ATG5: variants seen among roughly 807,000 people sequenced by gnomAD.
ATG5 encodes the protein autophagy protein 5.
ATG5 carries 14 observed loss-of-function variants against 36.5 expected under a neutral mutation model. That is an observed-to-expected ratio of 0.38 (90% CI 0.25 to 0.60). The LOEUF (loss-of-function observed/expected upper bound fraction) is 0.60. Among genes scored for constraint, ATG5 ranks in the 20% least tolerant of loss-of-function variants. ATG5 has a pLI of 0.60. For synonymous variants in ATG5, 95 were observed against 101.5 expected (o/e 0.94, Z 0.38); for missense variants, 195 against 326.7 (o/e 0.60, Z 3.11).
chr6:106,211,477 G>A (rs1414318615), intron 6 of ATG5, among the ~76,000 whole-genome samples: 3 of 152,230 alleles, frequency 2.0e-5, no homozygotes, highest in African/African-American at 7.2e-5. Context: ...TTGGGAGGCT[G>A]AGGCGGGTGG....
chr6:106,215,556 T>C (rs1292362896), intron 6 of ATG5, among the ~76,000 whole-genome samples: 5 of 152,098 alleles, frequency 3.3e-5, no homozygotes, highest in Non-Finnish European at 7.4e-5. Context: ...TTTTACAGAT[T>C]TCACCACTTA....
intron 6 of ATG5, among the ~76,000 whole-genome samples, chr6:106,244,524 A>G (rs1778256530): frequency 6.6e-6 from 1 of 152,162 alleles, no homozygotes; most frequent in Admixed American, 6.5e-5. Context: ...CCTATCTGTC[A>G]AATCTCTGGG....
chr6:106,195,235 T>C (rs1342758324), intron 7 of ATG5, among the ~76,000 whole-genome samples: 2 of 152,188 alleles, frequency 1.3e-5, no homozygotes, highest in Non-Finnish European at 2.9e-5. Context: ...ACTGAATCAC[T>C]TGTAGGGAGT....
intron 6 of ATG5, among the ~76,000 whole-genome samples, chr6:106,213,398 A>G (rs987502235): frequency 1.3e-5 from 2 of 152,228 alleles, no homozygotes; most frequent in African/African-American, 4.8e-5. Flanking sequence ...GTTGGAAGCT[A>G]TATCAGTAGG....
chr6:106,209,875 C>T (rs146076990), intron 6 of ATG5, among the ~76,000 whole-genome samples: 35 of 152,286 alleles, frequency 2.3e-4, no homozygotes, highest in African/African-American at 8.2e-4. Context: ...TTCAAAACAA[C>T]TAGTCTAGAG....
chr6:106,234,662 T>C (rs948720113), intron 6 of ATG5, among the ~76,000 whole-genome samples: 4 of 152,168 alleles, frequency 2.6e-5, no homozygotes, highest in African/African-American at 9.7e-5. Flanking sequence ...CCCATGACCA[T>C]TTACACTGAA....
chr6:106,192,885 C>T (rs924783160), intron 7 of ATG5, among the ~76,000 whole-genome samples: 1 of 152,224 alleles, frequency 6.6e-6, no homozygotes, highest in African/African-American at 2.4e-5. Context: ...AAAACACCAA[C>T]TAATTGAATC....
intron 6 of ATG5, among the ~76,000 whole-genome samples, chr6:106,211,991 A>AT (rs1776869756): frequency 6.6e-6 from 1 of 152,188 alleles, no homozygotes; most frequent in African/African-American, 2.4e-5. Context: ...GTATCACAGG[A>AT]TTTCACTTGT....
intron 6 of ATG5, among the ~76,000 whole-genome samples, chr6:106,214,936 T>TA (rs1776983196): frequency 6.6e-6 from 1 of 152,158 alleles, no homozygotes; most frequent in Admixed American, 6.5e-5. Context: ...GTAAATTCTC[T>TA]AAAATTTTCT....
intron 4 of ATG5, among the ~76,000 whole-genome samples, chr6:106,286,055 ACC>A (rs1272221985): frequency 3.3e-5 from 5 of 151,238 alleles, no homozygotes; most frequent in African/African-American, 1.2e-4. Flanking sequence ...TCCACTCTTA[ACC>A]CTACAACATC....
chr6:106,250,027 G>A (rs527360720), intron 5 of ATG5, among the ~76,000 whole-genome samples: 24 of 151,736 alleles, frequency 1.6e-4, no homozygotes, highest in Non-Finnish European at 2.7e-4. Context: ...ATTTTCTCCC[G>A]TTCTGTACAT....
chr6:106,311,806 T>A (rs78754905), intron 2 of ATG5, among the ~76,000 whole-genome samples: 2 of 152,094 alleles, frequency 1.3e-5, no homozygotes, highest in African/African-American at 4.8e-5. Context: ...AGGAAACTGG[T>A]TACTACTGTG....
At chr6:106,213,164 T>C (rs1445725209) in intron 6 of ATG5, among the ~76,000 whole-genome samples, 1 of 152,202 alleles carries the variant, frequency 6.6e-6, no homozygotes, top group Non-Finnish European at 1.5e-5. Context: ...GAAATCTTCA[T>C]TCATTACATA....
intron 7 of ATG5, among the ~76,000 whole-genome samples, chr6:106,200,762 G>A (rs1252632505): frequency 2.0e-5 from 3 of 152,170 alleles, no homozygotes. Context: ...TTACGCGTGA[G>A]CCACCACACC....
In ATG5 at chr6:106,310,691, C is replaced by T. The variant is rs192260660; in HGVS notation, c.109-2200G>A. 3.3e-3 allele frequency among the ~76,000 whole-genome samples: 505 copies of T among 152,226 alleles called. 2 individuals carry two copies. The highest frequency in any genetic ancestry group is 7.1e-3 in the South Asian group (34 of 4,822). Reference sequence around the variant, plus strand: ...CTAAATGGAAACTGTACGTATTAAACAGTAGCTCCCCATTCCCTGCTTCCC... The same window carrying T: ...CTAAATGGAAACTGTACGTATTAAATAGTAGCTCCCCATTCCCTGCTTCCC... On this transcript the variant is annotated intron_variant, in intron 2 of 7. Coordinates refer to ENST00000369076, the MANE Select transcript of ATG5 (RefSeq NM_004849.4).
intron 7 of ATG5, among the ~76,000 whole-genome samples, chr6:106,191,154 G>C (rs1164707468): frequency 6.6e-6 from 1 of 152,120 alleles, no homozygotes; most frequent in Non-Finnish European, 1.5e-5. Flanking sequence ...TATGAGCTGA[G>C]CTCCTCTCCA....
intron 5 of ATG5, among the ~76,000 whole-genome samples, chr6:106,255,597 C>T (rs1778770334): frequency 6.6e-6 from 1 of 152,086 alleles, no homozygotes; most frequent in Admixed American, 6.6e-5. Flanking sequence ...TTTAAGTAGA[C>T]AGGATTCAAT....
At chr6:106,191,996 T>C (rs1412967422) in intron 7 of ATG5, among the ~76,000 whole-genome samples, 1 of 152,188 alleles carries the variant, frequency 6.6e-6, no homozygotes, top group African/African-American at 2.4e-5. Flanking sequence ...TTATGCAGTA[T>C]GGCATATAAT....
At chr6:106,202,752 T>C (rs772360169) in intron 6 of ATG5, among the ~76,000 whole-genome samples, 6 of 152,128 alleles carry the variant, frequency 3.9e-5, no homozygotes, top group Admixed American at 1.3e-4. Flanking sequence ...ACCTCTACTT[T>C]CCAGGTTCAA....
Sources: allele counts gnomAD v4.1 joint callset (sites outside exome capture counted in the v4.1 genomes callset), GRCh38; gene constraint gnomAD v4.1.1; transcripts MANE v1.5; gene names NCBI Gene and HGNC (gene_info 2026-07-23, HGNC 2026-07-21).